The following MPDZ variants were observed in gnomAD, a reference collection of about 807,000 sequenced individuals.
MPDZ encodes the protein multiple PDZ domain protein.
In MPDZ, 234 loss-of-function variants were observed where a neutral mutation model predicts 239.1. The ratio of observed to expected loss-of-function variants is 0.98; its 90% CI spans 0.88 to 1.09. The LOEUF is 1.09. Among genes scored for constraint, MPDZ ranks in the 50% least tolerant of loss-of-function variants. The pLI is 0.00. For synonymous variants in MPDZ, 1,048 were observed against 881.3 expected (o/e 1.19, Z -3.35); for missense variants, 3,175 against 2,510.0 (o/e 1.26, Z -5.66).
Position 13,279,399 on chromosome 9 carries a change from C to A in MPDZ, c.-58+1G>T, listed in dbSNP as rs969303963. 2.0e-5 allele frequency: 3 copies of A among 146,536 alleles called. No individual in the cohort carries two copies. The highest frequency in any genetic ancestry group is 4.5e-5 in the Non-Finnish European group (3 of 66,104). 9.1% of individuals were successfully genotyped at this position (146,536 alleles called of 1,614,324 possible). A position where few individuals can be genotyped will look rare whatever the true frequency, so the allele number is the denominator to read the frequency against. On this transcript the variant is annotated splice_donor_variant, in intron 1 of 46. Transcript: ENST00000319217. LOFTEE classifies it low-confidence loss of function (5UTR_SPLICE). ...TGGGCCGGGGCTCAAGCGCCGCTTA[C>A]CCGGCTCGCGGCGCCCGCCCAGGGC...
chr9:13,121,728 C>T lies in MPDZ; in HGVS notation c.5231+11G>A. ...CCAAGGGAGCATTGGGTTTGTCCTC[C>T]TCAATCACACCTTTTACCAACAATA... On this transcript the variant is annotated intron_variant, in intron 38 of 46. Coordinates refer to ENST00000319217, the MANE Select transcript of MPDZ (RefSeq NM_001378778.1). 1 of 1,613,724 alleles carries T rather than the reference C, an allele frequency of 6.2e-7. No homozygotes were observed. Among genetic ancestry groups the T allele is most frequent in the South Asian group, 1.1e-5 (1 of 91,066 alleles).
intron 46 of MPDZ, among the ~76,000 whole-genome samples, chr9:13,108,055 A>G (rs559037757): frequency 1.3e-5 from 2 of 152,134 alleles, no homozygotes; most frequent in African/African-American, 4.8e-5. Context: ...AAATTGGCTA[A>G]AAAAAAGATC....
At chr9:13,260,352 C>T (rs1333890118) in intron 1 of MPDZ, among the ~76,000 whole-genome samples, 1 of 152,074 alleles carries the variant, frequency 6.6e-6, no homozygotes, top group East Asian at 1.9e-4. Flanking sequence ...AGTACTGTGA[C>T]ATGGTAATAT....
chr9:13,122,362 A>G (rs1419906622), intron 36 of MPDZ, among the ~76,000 whole-genome samples, 192 bp from the exon 37 acceptor site: 2 of 152,210 alleles, frequency 1.3e-5, no homozygotes, highest in Non-Finnish European at 2.9e-5. Flanking sequence ...AAAGGAGCTT[A>G]TACTTTTTTC....
chr9:13,125,636 A>G (rs369970977), intron 34 of MPDZ, among the ~76,000 whole-genome samples: 82 of 152,140 alleles, frequency 5.4e-4, no homozygotes, highest in African/African-American at 1.9e-3. Context: ...CTCTGACCAC[A>G]TTTTTTTCTT....
intron 32 of MPDZ, among the ~76,000 whole-genome samples, chr9:13,129,648 G>A (rs1256572849): frequency 6.6e-6 from 1 of 152,032 alleles, no homozygotes; most frequent in Admixed American, 6.6e-5. Context: ...TATTTTGTTT[G>A]GGGCTAGTTA....
chr9:13,225,288 G>A (rs1960195989), intron 3 of MPDZ, among the ~76,000 whole-genome samples: 1 of 151,978 alleles, frequency 6.6e-6, no homozygotes. Flanking sequence ...ATTTACTATA[G>A]CCTAGGTGTA....
chr9:13,141,854 G>C (rs1364222774), intron 27 of MPDZ, among the ~76,000 whole-genome samples: 3 of 152,106 alleles, frequency 2.0e-5, no homozygotes, highest in Non-Finnish European at 4.4e-5. Flanking sequence ...GAAATGTTCA[G>C]TCTATATGTC....
rs542810782 is a variant in MPDZ at position 13,115,352 on chromosome 9, G to A, written c.5380-18C>T. On this transcript the variant is annotated intron_variant, in intron 39 of 46. Coordinates refer to ENST00000319217, the MANE Select transcript of MPDZ (RefSeq NM_001378778.1). ...AGGGAACACTGGGGGTGGGCATGGG[G>A]GGTGTTTTATGGAAATGTTTAAATA... is the stretch of plus-strand genomic sequence containing the variant. The A allele has an allele frequency of 3.3e-5, 52 of 1,591,196 alleles. No homozygotes were observed. In the Admixed American group the frequency reaches 4.2e-4, roughly 13 times the overall value.
At chr9:13,150,143 G>A (rs998470871) in intron 25 of MPDZ, among the ~76,000 whole-genome samples, 23 of 151,738 alleles carry the variant, frequency 1.5e-4, no homozygotes, top group Non-Finnish European at 2.8e-4. Context: ...TGAGAATTGT[G>A]CTTTGTTCTT....
chr9:13,202,572 TCCCAA>T (rs1297328499), intron 12 of MPDZ, among the ~76,000 whole-genome samples: 16 of 152,118 alleles, frequency 1.1e-4, no homozygotes, highest in Admixed American at 2.0e-4. Flanking sequence ...CTGTCTTTGC[TCCCAA>T]TTCACCCCAA....
intron 28 of MPDZ, 46 bp downstream of exon 28, chr9:13,139,941 T>C: frequency 6.2e-7 from 1 of 1,611,032 alleles, no homozygotes; most frequent in Non-Finnish European, 8.5e-7. Flanking sequence ...CTCAGAGCTA[T>C]TTTAATACCT....
intron 11 of MPDZ, 72 bp from the exon 12 acceptor site, chr9:13,205,179 A>G (rs1956853388): frequency 2.5e-6 from 2 of 814,336 alleles, no homozygotes; most frequent in Non-Finnish European, 1.8e-6. Flanking sequence ...TAAACCCAGT[A>G]TATTTATTTG....
chr9:13,150,688 C>T lies in MPDZ; in HGVS notation c.3453G>A (p.Arg1151=), dbSNP rs201441007. 25 of 1,336,950 alleles carry T rather than the reference C, an allele frequency of 1.9e-5. No individual in the cohort carries two copies. The highest frequency in any genetic ancestry group is 2.3e-5 in the Non-Finnish European group (24 of 1,035,330). 82.8% of individuals were successfully genotyped at this position (1,336,950 alleles called of 1,614,324 possible). A position where few individuals can be genotyped will look rare whatever the true frequency, so the allele number is the denominator to read the frequency against. The change falls in exon 25 of 47, where the codon CGG becomes CGA. Residue 1151 remains arginine, a splice_region_variant and synonymous_variant. Coordinates refer to ENST00000319217, the MANE Select transcript of MPDZ (RefSeq NM_001378778.1). The part of the protein sequence containing the change: ...TAYSNWNQPR[R]VELWREPSKS... The stretch of plus-strand genomic sequence containing the variant: ...TGCTTGGTTCTCTCCAGAGTTCCAC[C>T]CTAAAAAATAAATAAAATTTTCAAC...
At chr9:13,222,124 G>A (rs1341761218) in intron 6 of MPDZ, 109 bp downstream of exon 6, 2 of 780,620 alleles carry the variant, frequency 2.6e-6, no homozygotes, top group South Asian at 2.7e-5. Context: ...AGAATAGTCA[G>A]ACAAAAACTC....
intron 10 of MPDZ, among the ~76,000 whole-genome samples, chr9:13,212,368 C>A (rs972660829): frequency 6.6e-6 from 1 of 151,972 alleles, no homozygotes; most frequent in Non-Finnish European, 1.5e-5. Flanking sequence ...GATCTATTTT[C>A]CAAGAATTAT....
At chr9:13,265,826 A>G (rs1242877458) in intron 1 of MPDZ, among the ~76,000 whole-genome samples, 2 of 152,136 alleles carry the variant, frequency 1.3e-5, no homozygotes, top group African/African-American at 4.8e-5. Flanking sequence ...GAAAGTGTTA[A>G]AGGATGGAGA....
At chr9:13,192,938 T>C (rs957743847) in intron 14 of MPDZ, among the ~76,000 whole-genome samples, 2 of 152,196 alleles carry the variant, frequency 1.3e-5, no homozygotes, top group African/African-American at 4.8e-5. Flanking sequence ...ACTGTTTTTA[T>C]AGTTTTCTGA....
In MPDZ at chr9:13,142,828, G is replaced by A. The variant is rs541096449; in HGVS notation, c.3840+638C>T. Among the ~76,000 whole-genome samples the A allele has an allele frequency of 2.6e-5, 4 of 152,188 alleles. No homozygotes were observed. In the East Asian group the frequency reaches 5.8e-4, roughly 22 times the overall value. ...CATAAAGTGTTTCCTGAAAAAAATTGTTGATGGCTTTCTTCCTTTTCATGA... is the reference window on the plus strand; with the variant it reads ...CATAAAGTGTTTCCTGAAAAAAATTATTGATGGCTTTCTTCCTTTTCATGA... On this transcript the variant is annotated intron_variant, in intron 27 of 46. Transcript: ENST00000319217.
Sources: gnomAD v4.1 joint callset for allele counts (sites outside exome capture counted in the v4.1 genomes callset) on GRCh38, gnomAD v4.1.1 for gene constraint, MANE v1.5 for transcripts, NCBI Gene and HGNC (gene_info 2026-07-23, HGNC 2026-07-21) for gene names.